Variants in EYS observed in about 807,000 individuals in gnomAD.
EYS encodes protein eyes shut homolog.
EYS carries 250 observed loss-of-function variants against 282.1 expected under a neutral mutation model. That is an observed-to-expected ratio of 0.89 (90% confidence interval 0.80 to 0.98). The LOEUF (loss-of-function observed/expected upper bound fraction) is 0.98. Among genes scored for constraint, EYS ranks in the 50% least tolerant of loss-of-function variants. EYS has a pLI of 0.00. For synonymous variants in EYS, 1,355 were observed against 1,282.9 expected, an observed-to-expected ratio of 1.06 and a Z score of -1.20; for missense variants, 4,016 against 3,709.0, an observed-to-expected ratio of 1.08 and a Z score of -2.15.
At chr6:64,556,294 CA>C (rs1349684339) in intron 26 of EYS, among the ~76,000 whole-genome samples, 3 of 151,810 alleles carry the variant, frequency 2.0e-5, no homozygotes, top group Non-Finnish European at 4.4e-5. Flanking sequence ...TATTATTTAA[CA>C]ATCAAAATGA....
At chr6:64,257,385 AC>A (rs1562275244) in intron 30 of EYS, among the ~76,000 whole-genome samples, 1 of 152,014 alleles carries the variant, frequency 6.6e-6, no homozygotes, top group African/African-American at 2.4e-5. Context: ...TTAAGCCATC[AC>A]CCTTTTTACC....
chr6:64,601,409 C>T (rs938142102), intron 24 of EYS, among the ~76,000 whole-genome samples: 1 of 146,098 alleles, frequency 6.8e-6, no homozygotes, highest in African/African-American at 2.5e-5. Flanking sequence ...CCTCCAACCA[C>T]CTGTCCCATC....
intron 32 of EYS, among the ~76,000 whole-genome samples, chr6:64,075,996 T>C (rs1364325098): frequency 6.6e-6 from 1 of 151,962 alleles, no homozygotes; most frequent in African/African-American, 2.4e-5. Flanking sequence ...CATTTACATA[T>C]TGTCCATGGC....
chr6:63,962,450 G>T lies in EYS; in HGVS notation c.7055+21933C>A, dbSNP rs1195114982. Among the ~76,000 whole-genome samples, 3 of 152,058 alleles carry T rather than the reference G, an allele frequency of 2.0e-5. No individual in the cohort carries two copies. The East Asian group carries it at 5.8e-4, about 29-fold the overall frequency. On this transcript the variant is annotated intron_variant, in intron 35 of 42. Coordinates refer to ENST00000503581, the MANE Select transcript of EYS (RefSeq NM_001142800.2). ...GAACCCCATCAAAAAGTGGGCAAAG[G>T]ATATGAACAGACACTTCTCAAAAGA...
chr6:63,879,003 T>A (rs930950203), intron 35 of EYS, among the ~76,000 whole-genome samples: 1 of 152,196 alleles, frequency 6.6e-6, no homozygotes, highest in Non-Finnish European at 1.5e-5. Flanking sequence ...ACCCGGTACT[T>A]CAGGTGCAAC....
At chr6:65,655,850 G>C (rs2149822134) in intron 1 of EYS, among the ~76,000 whole-genome samples, 1 of 151,884 alleles carries the variant, frequency 6.6e-6, no homozygotes, top group Middle Eastern at 3.4e-3. Flanking sequence ...GAAATAACAG[G>C]GATTTAGCAT....
intron 22 of EYS, among the ~76,000 whole-genome samples, chr6:64,673,543 T>A (rs1769541630): frequency 6.6e-6 from 1 of 152,122 alleles, no homozygotes; most frequent in Non-Finnish European, 1.5e-5. Context: ...ACTGTCTAGT[T>A]ATTTTGCCTC....
chr6:65,351,929 T>C (rs545661450), intron 9 of EYS, among the ~76,000 whole-genome samples: 1 of 151,984 alleles, frequency 6.6e-6, no homozygotes, highest in South Asian at 2.1e-4. Flanking sequence ...AATCCCTAAA[T>C]AGTCCTGAGG....
chr6:64,791,910 A>G (rs1219855167), intron 22 of EYS, among the ~76,000 whole-genome samples: 1 of 151,934 alleles, frequency 6.6e-6, no homozygotes, highest in African/African-American at 2.4e-5. Context: ...ATTTTAATAT[A>G]CTTTTCATAG....
intron 12 of EYS, among the ~76,000 whole-genome samples, chr6:65,182,668 T>G (rs1349249586): frequency 2.0e-5 from 3 of 151,990 alleles, no homozygotes; most frequent in Non-Finnish European, 4.4e-5. Context: ...TGGTTTTTTT[T>G]GTAGTAGATA....
At chr6:65,471,197 A>T (rs1010877143) in intron 5 of EYS, among the ~76,000 whole-genome samples, 1 of 145,938 alleles carries the variant, frequency 6.9e-6, no homozygotes, top group Non-Finnish European at 1.5e-5. Context: ...CAAAAGCACC[A>T]GCCTGGGCAA....
intron 12 of EYS, among the ~76,000 whole-genome samples, chr6:65,273,607 T>A (rs942522433): frequency 1.3e-5 from 2 of 152,184 alleles, no homozygotes; most frequent in Admixed American, 1.3e-4. Context: ...ATTATTTCCC[T>A]GGTTTCTTAA....
intron 10 of EYS, 128 bp downstream of exon 10, chr6:65,343,906 ATATT>A: frequency 2.6e-6 from 2 of 757,740 alleles, no homozygotes; most frequent in Non-Finnish European, 4.4e-6. Context: ...TTACGAAGTT[ATATT>A]TAAACTATGC....
intron 35 of EYS, among the ~76,000 whole-genome samples, chr6:63,920,704 T>C (rs1764545253): frequency 6.6e-6 from 1 of 152,158 alleles, no homozygotes; most frequent in African/African-American, 2.4e-5. Flanking sequence ...AAAACAAACT[T>C]TTGAGTTTTC....
chr6:65,446,997 T>C (rs2150398664), intron 5 of EYS, among the ~76,000 whole-genome samples: 1 of 151,804 alleles, frequency 6.6e-6, no homozygotes. Flanking sequence ...AGACATCGTC[T>C]TAGATGATTG....
At chr6:65,419,748 G>T (rs969899124) in intron 5 of EYS, among the ~76,000 whole-genome samples, 1 of 151,882 alleles carries the variant, frequency 6.6e-6, no homozygotes, top group South Asian at 2.1e-4. Context: ...TTTATACTAA[G>T]TTTTTGAAAA....
At chr6:64,113,910 A>C (rs756238182) in intron 31 of EYS, among the ~76,000 whole-genome samples, 1 of 152,192 alleles carries the variant, frequency 6.6e-6, no homozygotes, top group Non-Finnish European at 1.5e-5. Context: ...AGTTTTTGTA[A>C]GTAAAATTTT....
intron 13 of EYS, among the ~76,000 whole-genome samples, chr6:65,042,349 C>A (rs1265124180): frequency 6.6e-6 from 1 of 151,422 alleles, no homozygotes; most frequent in East Asian, 1.9e-4. Flanking sequence ...AGTTCATTGA[C>A]ATTTTATGGA....
intron 15 of EYS, among the ~76,000 whole-genome samples, chr6:64,945,224 C>A (rs1402986063): frequency 6.7e-6 from 1 of 149,578 alleles, no homozygotes; most frequent in African/African-American, 2.5e-5. Flanking sequence ...ATTCAACAAG[C>A]AAAAAACAAC....
Sources: allele counts gnomAD v4.1 joint callset (sites outside exome capture counted in the v4.1 genomes callset), GRCh38; gene constraint gnomAD v4.1.1; transcripts MANE v1.5; gene names NCBI Gene and HGNC (gene_info 2026-07-23, HGNC 2026-07-21).